TENM3: variants seen among roughly 807,000 people sequenced by gnomAD.
TENM3 encodes the protein teneurin-3.
Under a neutral mutation model 255.1 loss-of-function variants are expected in TENM3, and 63 were observed. That is an observed-to-expected ratio of 0.25 (90% CI 0.20 to 0.30). The LOEUF is 0.30. Among genes scored for constraint, TENM3 ranks in the 10% least tolerant of loss-of-function variants. The pLI is 1.00. For missense variants in TENM3, 2,929 were observed against 3,461.1 expected (o/e 0.85, Z 3.86); for synonymous variants, 1,306 against 1,322.3 (o/e 0.99, Z 0.27).
At chr4:182,606,684 A>G (rs1014318496) in intron 4 of TENM3, among the ~76,000 whole-genome samples, 1 of 152,190 alleles carries the variant, frequency 6.6e-6, no homozygotes, top group Admixed American at 6.5e-5. Context: ...AAAGTTTGAG[A>G]TAAAGTTTCA....
rs113947715 is a variant in TENM3 at position 182,757,065 on chromosome 4, C to T, written c.4892+1806C>T. ...CGGTGGCTCACACCTGTAATCCCAG[C>T]ACTTTGGGAGGCCGAGGCAGGCGGA... is the stretch of plus-strand genomic sequence containing the variant. On this transcript the variant is annotated intron_variant, in intron 22 of 27. Transcript: ENST00000511685. Among the ~76,000 whole-genome samples the T allele has an allele frequency of 4.4e-3, 677 of 152,166 alleles. 5 individuals are homozygous for T. Among genetic ancestry groups the T allele is most frequent in the African/African-American group, 0.015 (632 of 41,524 alleles).
At chr4:182,177,614 ATTT>A (rs5864769) in intron 1 of TENM3, among the ~76,000 whole-genome samples, 1 of 132,840 alleles carries the variant, frequency 7.5e-6, no homozygotes, top group Non-Finnish European at 1.7e-5. Flanking sequence ...ATATATATAT[ATTT>A]TTTTTTTTTT....
At position 182,189,628 on chromosome 4, in the gene TENM3, G is replaced by A. The variant is rs958354950; in HGVS notation, c.-76+44874G>A. Among the ~76,000 whole-genome samples the A allele has an allele frequency of 8.5e-5, 13 of 152,206 alleles. 1 individual carries two copies. The highest frequency in any genetic ancestry group is 2.9e-4 in the African/African-American group (12 of 41,538). ...GTCTGGGTGAGCATGGTCTCAGTTC[G>A]CCCCCACACATCTCAGAAGTTGGTG... On this transcript the variant is annotated intron_variant, in intron 1 of 2. Coordinates refer to the TENM3 transcript ENST00000512480.
the TENM3 span, among the ~76,000 whole-genome samples, chr4:181,976,858 A>G: frequency 1.3e-5 from 2 of 152,224 alleles, no homozygotes; most frequent in South Asian, 4.1e-4. Context: ...CAGGGGAGAA[A>G]AGAAGGAACC....
chr4:181,652,796 CCCCCAAAACAA>C, the TENM3 span, among the ~76,000 whole-genome samples: 1 of 152,198 alleles, frequency 6.6e-6, no homozygotes, highest in Non-Finnish European at 1.5e-5. Flanking sequence ...TTCCTTTCCA[CCCCCAAAACAA>C]ACACATGTAA....
the TENM3 span, among the ~76,000 whole-genome samples, chr4:181,769,108 T>C: frequency 2.0e-5 from 3 of 152,208 alleles, no homozygotes; most frequent in South Asian, 2.1e-4. Flanking sequence ...TTTTATAGGG[T>C]AGCCACGATT....
the TENM3 span, among the ~76,000 whole-genome samples, chr4:182,098,882 C>T: frequency 2.0e-5 from 3 of 151,872 alleles, no homozygotes; most frequent in Non-Finnish European, 4.4e-5. Context: ...ATTCCAGCTA[C>T]CCTGATTTGA....
the TENM3 span, among the ~76,000 whole-genome samples, chr4:182,130,391 CAT>C: frequency 6.6e-6 from 1 of 152,114 alleles, no homozygotes; most frequent in East Asian, 1.9e-4. Flanking sequence ...AACTTACACA[CAT>C]ACAAATCACA....
At chr4:182,181,915 T>G (rs908320023) in intron 1 of TENM3, among the ~76,000 whole-genome samples, 1 of 152,134 alleles carries the variant, frequency 6.6e-6, no homozygotes, top group African/African-American at 2.4e-5. Flanking sequence ...ATTTTTGTTT[T>G]TAGTTTTGTT....
the TENM3 span, among the ~76,000 whole-genome samples, chr4:181,883,145 T>TTTTTTTTTTTTTTTTTA: frequency 6.6e-6 from 1 of 150,810 alleles, no homozygotes; most frequent in Non-Finnish European, 1.5e-5. Context: ...TTTTGCTTCT[T>TTTTTTTTTTTTTTTTTA]AATAACTGGT....
chr4:182,771,841 T>C (rs1764256427), intron 22 of TENM3, among the ~76,000 whole-genome samples: 1 of 152,190 alleles, frequency 6.6e-6, no homozygotes, highest in African/African-American at 2.4e-5. Context: ...CATCTTCAGC[T>C]CTGCCTTTTG....
rs570021890 is a variant in TENM3 at position 182,654,002 on chromosome 4, C to T, written c.1111+109C>T. On this transcript the variant is annotated intron_variant, in intron 6 of 27. Transcript: ENST00000511685. ...TTTAGATGGAACAGGGAAAAGTGTT[C>T]GAAATTACAGATATCATCTTTTTAT... The T allele has an allele frequency of 3.9e-5, 40 of 1,030,788 alleles. No individual in the cohort carries two copies. In the South Asian group the frequency reaches 4.1e-4, roughly 11 times the overall value. 63.9% of individuals were successfully genotyped at this position (1,030,788 alleles called of 1,614,324 possible).
At chr4:181,950,959 T>C in the TENM3 span, among the ~76,000 whole-genome samples, 1 of 151,998 alleles carries the variant, frequency 6.6e-6, no homozygotes, top group African/African-American at 2.4e-5. Context: ...GGAGAATTGC[T>C]TGAGCCCAGG....
At chr4:181,842,151 T>C in the TENM3 span, among the ~76,000 whole-genome samples, 1 of 152,202 alleles carries the variant, frequency 6.6e-6, no homozygotes, top group Non-Finnish European at 1.5e-5. Flanking sequence ...TCAAATGTAA[T>C]AATTACATAT....
chr4:182,263,521 G>A (rs1040351479), intron 1 of TENM3, among the ~76,000 whole-genome samples: 1 of 152,160 alleles, frequency 6.6e-6, no homozygotes, highest in Non-Finnish European at 1.5e-5. Context: ...GGATTCATCT[G>A]CGTTGCACTC....
chr4:182,782,386 GAGTTCT>G (rs1160763826), intron 24 of TENM3, among the ~76,000 whole-genome samples: 1 of 126,734 alleles, frequency 7.9e-6, no homozygotes, highest in Non-Finnish European at 1.6e-5. Flanking sequence ...TCTTAATCCT[GAGTTCT>G]AGTTTGATTG....
At chr4:181,992,049 A>C in the TENM3 span, among the ~76,000 whole-genome samples, 1 of 152,188 alleles carries the variant, frequency 6.6e-6, no homozygotes, top group Non-Finnish European at 1.5e-5. Flanking sequence ...TTATTACCAA[A>C]CCGTGTGTGT....
the TENM3 span, among the ~76,000 whole-genome samples, chr4:182,045,789 C>T: frequency 6.6e-6 from 1 of 152,202 alleles, no homozygotes; most frequent in Admixed American, 6.5e-5. Flanking sequence ...TGGCTCATGC[C>T]TGTGGTCCCA....
chr4:182,290,028 C>T (rs1761013264), intron 1 of TENM3, among the ~76,000 whole-genome samples: 1 of 152,170 alleles, frequency 6.6e-6, no homozygotes, highest in South Asian at 2.1e-4. Context: ...GTCCAAGGTT[C>T]CTCTCCTCCA....
Sources: gnomAD v4.1 joint callset for allele counts (sites outside exome capture counted in the v4.1 genomes callset) on GRCh38, gnomAD v4.1.1 for gene constraint, MANE v1.5 for transcripts, NCBI Gene and HGNC (gene_info 2026-07-23, HGNC 2026-07-21) for gene names.